The following MDGA2 variants were observed in gnomAD, a reference collection of about 807,000 sequenced individuals.
MDGA2 encodes MAM domain-containing glycosylphosphatidylinositol anchor protein 2.
In MDGA2, 40 loss-of-function variants were observed where a neutral mutation model predicts 117.8. The observed-to-expected ratio is 0.34, with a 90% CI of 0.26 to 0.44. The LOEUF is 0.44. MDGA2 is among the 20% of genes least tolerant of loss of function. MDGA2 has a pLI of 1.00. For synonymous variants in MDGA2, 452 were observed against 439.0 expected, an observed-to-expected ratio of 1.03 and a Z score of -0.37; for missense variants, 1,123 against 1,250.6, an observed-to-expected ratio of 0.90 and a Z score of 1.54.
At chr14:47,638,836 C>T (rs1204641636) in intron 1 of MDGA2, among the ~76,000 whole-genome samples, 1 of 152,172 alleles carries the variant, frequency 6.6e-6, no homozygotes, top group Non-Finnish European at 1.5e-5. Context: ...ACCATTCAGA[C>T]CCTACAATTC....
intron 11 of MDGA2, among the ~76,000 whole-genome samples, chr14:46,881,552 C>A (rs1882460795): frequency 1.3e-5 from 2 of 152,054 alleles, no homozygotes; most frequent in African/African-American, 4.8e-5. Flanking sequence ...CAATGTACCA[C>A]AATAATGTAA....
intron 1 of MDGA2, among the ~76,000 whole-genome samples, chr14:47,543,145 A>C (rs1895386553): frequency 6.6e-6 from 1 of 152,126 alleles, no homozygotes; most frequent in Admixed American, 6.5e-5. Flanking sequence ...GGGAGGTCGA[A>C]GCTGCTGTAA....
At chr14:46,891,881 T>C (rs1360567132) in intron 10 of MDGA2, among the ~76,000 whole-genome samples, 1 of 151,538 alleles carries the variant, frequency 6.6e-6, no homozygotes. Context: ...TGAAATGATA[T>C]TTGAACTTTT....
intron 1 of MDGA2, among the ~76,000 whole-genome samples, chr14:47,600,778 T>C (rs1015217319): frequency 7.9e-5 from 12 of 150,954 alleles, no homozygotes; most frequent in African/African-American, 2.9e-4. Flanking sequence ...AATCCATCCC[T>C]ACTGCCAAAA....
chr14:47,182,285 T>C (rs1458686061), intron 3 of MDGA2, among the ~76,000 whole-genome samples: 1 of 152,144 alleles, frequency 6.6e-6, no homozygotes, highest in African/African-American at 2.4e-5. Flanking sequence ...ATTGTAACTC[T>C]TATAGACTAA....
chr14:46,871,855 A>G (rs1019580744), intron 14 of MDGA2: 8 of 366,384 alleles, frequency 2.2e-5, no homozygotes, highest in Non-Finnish European at 2.9e-5. Context: ...TTAACTTCTC[A>G]AAAGCTTTCT....
chr14:47,404,797 C>A (rs1381309665), intron 1 of MDGA2, among the ~76,000 whole-genome samples: 3 of 152,106 alleles, frequency 2.0e-5, no homozygotes, highest in African/African-American at 7.2e-5. Flanking sequence ...CCCAGCCTAC[C>A]TATCATTTTT....
At chr14:47,102,695 G>A (rs1046311191) in intron 5 of MDGA2, among the ~76,000 whole-genome samples, 2 of 152,146 alleles carry the variant, frequency 1.3e-5, no homozygotes, top group South Asian at 4.1e-4. Flanking sequence ...TCTATCTAAA[G>A]AACAAGGAGC....
chr14:47,514,016 A>C (rs1894699133), intron 1 of MDGA2, among the ~76,000 whole-genome samples: 2 of 152,158 alleles, frequency 1.3e-5, no homozygotes, highest in Admixed American at 1.3e-4. Context: ...GAATGTAGTG[A>C]CACCGGAGTG....
At chr14:47,584,110 T>C (rs1896278204) in intron 1 of MDGA2, among the ~76,000 whole-genome samples, 1 of 151,868 alleles carries the variant, frequency 6.6e-6, no homozygotes, top group Admixed American at 6.6e-5. Flanking sequence ...AAATCATCCA[T>C]ATTTTATAAA....
chr14:46,893,202 C>T (rs1037860073), intron 10 of MDGA2, among the ~76,000 whole-genome samples: 11 of 151,834 alleles, frequency 7.2e-5, no homozygotes, highest in African/African-American at 2.7e-4. Flanking sequence ...AACAGCAGGG[C>T]GGACCTAGAA....
chr14:47,166,465 G>C (rs2182526), intron 3 of MDGA2, among the ~76,000 whole-genome samples: 1 of 151,888 alleles, frequency 6.6e-6, no homozygotes, highest in Non-Finnish European at 1.5e-5. Flanking sequence ...TATATTCTCT[G>C]TCTACTCAAA....
chr14:47,253,687 A>G (rs1231886605), intron 2 of MDGA2, among the ~76,000 whole-genome samples: 2 of 152,126 alleles, frequency 1.3e-5, no homozygotes, highest in Non-Finnish European at 2.9e-5. Context: ...TGAATCTACC[A>G]TTCAGGGATC....
At chr14:47,047,757 T>C (rs17562911) in intron 7 of MDGA2, among the ~76,000 whole-genome samples, 13,016 of 151,980 alleles carry the variant, frequency 0.086, 723 homozygotes, top group Admixed American at 0.14. Context: ...ACTTATGATG[T>C]CTCGAGTACT....
chr14:46,942,990 G>C (rs1421784446), intron 9 of MDGA2, among the ~76,000 whole-genome samples: 1 of 151,918 alleles, frequency 6.6e-6, no homozygotes, highest in Non-Finnish European at 1.5e-5. Flanking sequence ...GAATAAATGG[G>C]TATTAAAATC....
intron 9 of MDGA2, among the ~76,000 whole-genome samples, chr14:46,925,631 C>CAAAAAAAAAAAAAAAAAAAAAAAAAA (rs34889177): frequency 1.5e-5 from 1 of 64,602 alleles, no homozygotes; most frequent in Non-Finnish European, 2.9e-5. Flanking sequence ...GACTCTACCT[C>CAAAAAAAAAAAAAAAAAAAAAAAAAA]AAAAAAAAAA....
chr14:47,585,251 G>T (rs1215803109), intron 1 of MDGA2, among the ~76,000 whole-genome samples: 1 of 151,770 alleles, frequency 6.6e-6, no homozygotes, highest in Non-Finnish European at 1.5e-5. Flanking sequence ...AAATAGGATG[G>T]CTGCCTTTTC....
intron 14 of MDGA2, among the ~76,000 whole-genome samples, chr14:46,873,165 CTGG>C (rs1247373384): frequency 6.6e-6 from 1 of 151,840 alleles, no homozygotes; most frequent in Non-Finnish European, 1.5e-5. Flanking sequence ...TCCATGAGAC[CTGG>C]TAAAGAATTT....
At position 47,031,439 on chromosome 14, in the gene MDGA2, C is replaced by T. The variant is rs533813570; in HGVS notation, c.1819+3572G>A. On this transcript the variant is annotated intron_variant, in intron 8 of 16. Coordinates refer to ENST00000399232, the MANE Select transcript of MDGA2 (RefSeq NM_001113498.3). ...CCACCTCTTTTACATTCTTTTATGT[C>T]TTAAAAGATGAAATTATACATAAAT... Among the ~76,000 whole-genome samples the T allele has an allele frequency of 4.7e-4, 71 of 152,030 alleles. 1 individual carries two copies. The South Asian group carries it at 0.014, about 31-fold the overall frequency.
Sources: allele counts gnomAD v4.1 joint callset (sites outside exome capture counted in the v4.1 genomes callset), GRCh38; gene constraint gnomAD v4.1.1; transcripts MANE v1.5; gene names NCBI Gene and HGNC (gene_info 2026-07-23, HGNC 2026-07-21).